Variants in CRPPA observed in about 807,000 individuals in gnomAD.
The protein encoded by CRPPA is CDP-L-ribitol pyrophosphorylase A.
CRPPA carries 43 observed loss-of-function variants against 52.0 expected under a neutral mutation model. The observed-to-expected ratio is 0.83, with a 90% CI of 0.65 to 1.07. CRPPA has a LOEUF of 1.07. Among genes scored for constraint, CRPPA ranks in the 50% least tolerant of loss-of-function variants. CRPPA has a pLI of 0.00. For missense variants in CRPPA, 629 were observed against 551.7 expected (o/e 1.14, Z -1.40); for synonymous variants, 250 against 203.5 (o/e 1.23, Z -1.94).
At chr7:16,314,371 T>C (rs1039135812) in intron 3 of CRPPA, among the ~76,000 whole-genome samples, 1 of 152,044 alleles carries the variant, frequency 6.6e-6, no homozygotes, top group African/African-American at 2.4e-5. Flanking sequence ...ATAATCCTAA[T>C]TACTCCCTCC....
Position 16,320,995 on chromosome 7 carries a change from G to A in CRPPA, c.685-12368C>T, listed in dbSNP as rs185623657. On this transcript the variant is annotated intron_variant, in intron 3 of 9. Coordinates refer to ENST00000407010, the MANE Select transcript of CRPPA (RefSeq NM_001101426.4). ...TTCTTTGAGTAAAATTATTTAAATG[G>A]GCAGAGACAATTATATTCACGAGAA... is the stretch of plus-strand genomic sequence containing the variant. Among the ~76,000 whole-genome samples the A allele has an allele frequency of 1.8e-4, 28 of 152,076 alleles. No homozygotes were observed. In the East Asian group the frequency reaches 5.4e-3, roughly 30 times the overall value.
chr7:16,096,559 G>T (rs1781938240), intron 9 of CRPPA, among the ~76,000 whole-genome samples: 1 of 151,960 alleles, frequency 6.6e-6, no homozygotes, highest in Admixed American at 6.6e-5. Flanking sequence ...CTTGAAGATA[G>T]TAAAAAAAAA....
At chr7:16,206,548 A>C (rs531119665) in intron 9 of CRPPA, among the ~76,000 whole-genome samples, 32 of 151,906 alleles carry the variant, frequency 2.1e-4, no homozygotes, top group African/African-American at 7.0e-4. Flanking sequence ...GTTTTGAGCC[A>C]TAAGTACAAA....
At chr7:16,284,862 G>A (rs746240666) in intron 5 of CRPPA, among the ~76,000 whole-genome samples, 2 of 152,048 alleles carry the variant, frequency 1.3e-5, no homozygotes, top group Non-Finnish European at 2.9e-5. Context: ...GACTGTACTT[G>A]TACCACGTGT....
intron 8 of CRPPA, among the ~76,000 whole-genome samples, chr7:16,245,955 C>T (rs1023467382): frequency 1.3e-5 from 2 of 151,912 alleles, no homozygotes; most frequent in Non-Finnish European, 2.9e-5. Flanking sequence ...TGACTGTTCA[C>T]GGTGGTGGTT....
At chr7:16,186,906 C>T (rs953536988) in intron 9 of CRPPA, among the ~76,000 whole-genome samples, 7 of 152,094 alleles carry the variant, frequency 4.6e-5, no homozygotes, top group South Asian at 2.1e-4. Flanking sequence ...TGTTAACCTA[C>T]GTGGAAAGTT....
intron 9 of CRPPA, among the ~76,000 whole-genome samples, chr7:16,215,614 A>G (rs926618508): frequency 6.6e-6 from 1 of 152,238 alleles, no homozygotes; most frequent in African/African-American, 2.4e-5. Context: ...GACTACCAAT[A>G]TCTTTAACAT....
intron 8 of CRPPA, among the ~76,000 whole-genome samples, chr7:16,247,402 C>T (rs1783307023): frequency 6.6e-6 from 1 of 152,088 alleles, no homozygotes; most frequent in African/African-American, 2.4e-5. Flanking sequence ...AATAGGGAAT[C>T]TCAAAGAGAA....
intron 9 of CRPPA, among the ~76,000 whole-genome samples, chr7:16,152,345 G>A (rs548699601): frequency 8.6e-5 from 13 of 151,836 alleles, no homozygotes; most frequent in Non-Finnish European, 1.3e-4. Context: ...TAAGATAAAC[G>A]ACTTTATTTT....
intron 2 of CRPPA, among the ~76,000 whole-genome samples, chr7:16,381,260 T>C (rs1467386462): frequency 2.0e-4 from 30 of 152,344 alleles, no homozygotes; most frequent in Non-Finnish European, 3.2e-4. Context: ...CCAGTAGTCA[T>C]TCCGGAGCAG....
intron 9 of CRPPA, among the ~76,000 whole-genome samples, chr7:16,199,700 G>A: frequency 6.6e-6 from 1 of 151,860 alleles, no homozygotes; most frequent in East Asian, 1.9e-4. Flanking sequence ...TCTCTCACTT[G>A]AAGTATCTTT....
At chr7:16,109,481 T>TA (rs1180783004) in intron 9 of CRPPA, among the ~76,000 whole-genome samples, 2 of 151,726 alleles carry the variant, frequency 1.3e-5, no homozygotes, top group South Asian at 2.1e-4. Context: ...ACCAAATATT[T>TA]AAAAAACTAC....
At chr7:16,383,257 C>T (rs904238165) in intron 2 of CRPPA, among the ~76,000 whole-genome samples, 3 of 152,130 alleles carry the variant, frequency 2.0e-5, no homozygotes, top group African/African-American at 4.8e-5. Flanking sequence ...TAGAGGTCCA[C>T]TCTAGACCCT....
intron 8 of CRPPA, among the ~76,000 whole-genome samples, chr7:16,236,451 G>C (rs1160546122): frequency 6.6e-6 from 1 of 152,026 alleles, no homozygotes; most frequent in African/African-American, 2.4e-5. Context: ...CCAGAAAATT[G>C]AATCATATTA....
chr7:16,221,379 G>A (rs1782496872), intron 8 of CRPPA, among the ~76,000 whole-genome samples: 1 of 152,134 alleles, frequency 6.6e-6, no homozygotes, highest in African/African-American at 2.4e-5. Flanking sequence ...CAGGACATAG[G>A]CATGGGCAAG....
chr7:16,411,237 C>A (rs186553210), intron 1 of CRPPA, among the ~76,000 whole-genome samples: 49 of 152,262 alleles, frequency 3.2e-4, no homozygotes, highest in African/African-American at 1.1e-3. Flanking sequence ...AGGCAGTAAC[C>A]TGCCCATAAT....
At chr7:16,288,536 A>G in intron 5 of CRPPA, among the ~76,000 whole-genome samples, 1 of 152,092 alleles carries the variant, frequency 6.6e-6, no homozygotes, top group East Asian at 1.9e-4. Flanking sequence ...TCACAACTAA[A>G]CAAAATAAAG....
intron 9 of CRPPA, among the ~76,000 whole-genome samples, chr7:16,156,726 T>A (rs2128380612): frequency 6.6e-6 from 1 of 152,366 alleles, no homozygotes; most frequent in South Asian, 2.1e-4. Flanking sequence ...AGTCTTCATG[T>A]TAAACGATCA....
chr7:16,251,044 A>G (rs2128409653), intron 8 of CRPPA, among the ~76,000 whole-genome samples: 1 of 152,148 alleles, frequency 6.6e-6, no homozygotes, highest in South Asian at 2.1e-4. Context: ...TACCAAGAAA[A>G]TGGAAAGCAA....
Sources: gnomAD v4.1 joint callset for allele counts (sites outside exome capture counted in the v4.1 genomes callset) on GRCh38, gnomAD v4.1.1 for gene constraint, MANE v1.5 for transcripts, NCBI Gene and HGNC (gene_info 2026-07-23, HGNC 2026-07-21) for gene names.